CFH: variants seen among roughly 807,000 people sequenced by gnomAD.
CFH encodes complement factor H, also known as H factor 1 (complement).
CFH carries 53 observed loss-of-function variants against 147.3 expected under a neutral mutation model. The ratio of observed to expected loss-of-function variants is 0.36; its 90% confidence interval spans 0.29 to 0.45. The LOEUF (loss-of-function observed/expected upper bound fraction) is 0.45. CFH is among the 20% of genes least tolerant of loss of function. CFH has a pLI of 1.00. For missense variants in CFH, 1,380 were observed against 1,498.0 expected (o/e 0.92, Z 1.30); for synonymous variants, 536 against 489.4 (o/e 1.10, Z -1.26).
At chr1:196,664,612 G>T (rs949865312) in intron 1 of CFH, among the ~76,000 whole-genome samples, 1 of 152,104 alleles carries the variant, frequency 6.6e-6, no homozygotes, top group Non-Finnish European at 1.5e-5. Flanking sequence ...TGGCCCACAG[G>T]TTAGTTTTCT....
rs368636642 is a variant in CFH, at chr1:196,689,626, T to G, written c.1159+12T>G. The G allele has an allele frequency of 7.4e-6, 12 of 1,612,496 alleles. No homozygotes were observed. Among genetic ancestry groups the G allele is most frequent in the Non-Finnish European group, 8.5e-6 (10 of 1,178,882 alleles). On this transcript the variant is annotated intron_variant, in intron 8 of 21. Transcript: ENST00000367429. The stretch of plus-strand genomic sequence containing the variant: ...AGTACCATGCCTCAGTAAGTAAACC[T>G]CTGAACTGCTATATATATGTATAAA...
chr1:196,700,731 C>A, intron 9 of CFH: 3 of 593,044 alleles, frequency 5.1e-6, no homozygotes, highest in Non-Finnish European at 6.4e-6. Context: ...CAGTCCAGTG[C>A]CCCCATGCCA....
rs1240758321 is a variant in CFH, at chr1:196,685,343, C to A, written c.964+106C>A. 3 of 1,153,250 alleles carry A rather than the reference C, an allele frequency of 2.6e-6. No homozygotes were observed. The East Asian group carries it at 7.4e-5, about 28-fold the overall frequency. 71.4% of individuals were successfully genotyped at this position (1,153,250 alleles called of 1,614,324 possible). A position where few individuals can be genotyped will look rare whatever the true frequency, so the allele number is the denominator to read the frequency against. ...CCAAATATTTGTCTTATTGTATATA[C>A]AAAGTAAGGCTGTTGGAAGCATTCT... is the stretch of plus-strand genomic sequence containing the variant. On this transcript the variant is annotated intron_variant, in intron 7 of 21. Coordinates refer to ENST00000367429, the MANE Select transcript of CFH (RefSeq NM_000186.4).
At chr1:196,726,325 C>A in intron 12 of CFH, 145 bp from the exon 13 acceptor site, 1 of 661,716 alleles carries the variant, frequency 1.5e-6, no homozygotes, top group South Asian at 2.0e-5. Context: ...ACAATATGAA[C>A]ACCATTCTTG....
chr1:196,740,232 C>T (rs778744636), intron 17 of CFH, among the ~76,000 whole-genome samples: 7 of 152,162 alleles, frequency 4.6e-5, no homozygotes, highest in Non-Finnish European at 8.8e-5. Flanking sequence ...TGCTTTGCCA[C>T]TATGTTTTAA....
chr1:196,672,858 G>A, intron 1 of CFH, 120 bp from the exon 2 acceptor site: 5 of 732,238 alleles, frequency 6.8e-6, no homozygotes, highest in South Asian at 1.8e-5. Flanking sequence ...GAGAGAGAGA[G>A]AGAGAGAAAT....
At chr1:196,686,905 G>T (rs190078393) in intron 7 of CFH, among the ~76,000 whole-genome samples, 14 of 152,076 alleles carry the variant, frequency 9.2e-5, no homozygotes, top group Admixed American at 6.6e-4. Flanking sequence ...ATTATCAGAC[G>T]CATGACTTTA....
chr1:196,689,744 G>A (rs1667959670), intron 8 of CFH, 130 bp downstream of exon 8: 4 of 1,020,404 alleles, frequency 3.9e-6, no homozygotes, highest in Non-Finnish European at 5.9e-6. Flanking sequence ...TTCAAGCAAA[G>A]TGACCAAAAT....
intron 11 of CFH, among the ~76,000 whole-genome samples, chr1:196,721,665 G>T (rs1669001555): frequency 6.6e-6 from 1 of 151,876 alleles, no homozygotes; most frequent in Non-Finnish European, 1.5e-5. Flanking sequence ...TGTGGAGGTT[G>T]CTTGCCCTCA....
Position 196,689,027 on chromosome 1 carries a change from A to AAAAG in CFH, c.965-373_965-370dup, listed in dbSNP as rs36170795. Among the ~76,000 whole-genome samples the AAAAG allele has an allele frequency of 6.1e-4, 91 of 149,764 alleles. 1 individual carries two copies. Among genetic ancestry groups the AAAAG allele is most frequent in the Admixed American group, 9.3e-4 (14 of 15,120 alleles). On this transcript the variant is annotated intron_variant, in intron 7 of 21. Coordinates refer to ENST00000367429, the MANE Select transcript of CFH (RefSeq NM_000186.4). ...CTTGTTTACTGATGAGAATAGAAAAAAAAGAAAGAAAGAAAGAAAGAAATA... is the reference window on the plus strand; with the variant it reads ...CTTGTTTACTGATGAGAATAGAAAAAAAAGAAAGAAAGAAAGAAAGAAAGAAATA...
intron 9 of CFH, among the ~76,000 whole-genome samples, chr1:196,703,923 G>T (rs1668522590): frequency 7.8e-6 from 1 of 128,336 alleles, no homozygotes; most frequent in Non-Finnish European, 1.5e-5. Context: ...GGCAGAGCTT[G>T]CAAGTGAGCC....
intron 6 of CFH, among the ~76,000 whole-genome samples, chr1:196,684,297 G>A (rs561022571): frequency 6.6e-6 from 1 of 151,950 alleles, no homozygotes; most frequent in Non-Finnish European, 1.5e-5. Context: ...TTGCAGCAGA[G>A]ACATTTTATC....
chr1:196,727,002 T>A, intron 14 of CFH, 62 bp downstream of exon 14: 11 of 1,470,688 alleles, frequency 7.5e-6, no homozygotes, highest in South Asian at 1.1e-5. Context: ...GTAACAACAA[T>A]AATTGCAACT....
intron 17 of CFH, among the ~76,000 whole-genome samples, chr1:196,738,140 G>A (rs548467908): frequency 6.6e-6 from 1 of 152,248 alleles, no homozygotes; most frequent in East Asian, 1.9e-4. Flanking sequence ...GAGAACAGAA[G>A]CATGGGGATA....
chr1:196,674,021 C>G (rs979348702), intron 3 of CFH, 59 bp downstream of exon 3: 1 of 1,134,922 alleles, frequency 8.8e-7, no homozygotes, highest in Admixed American at 1.8e-5. Context: ...AACTCTACTA[C>G]TTTATATATT....
At chr1:196,659,467 G>A (rs1666831630) in intron 1 of CFH, among the ~76,000 whole-genome samples, 1 of 152,180 alleles carries the variant, frequency 6.6e-6, no homozygotes, top group Non-Finnish European at 1.5e-5. Flanking sequence ...TTTTGTTGAA[G>A]TGGCAGTGTA....
rs777094657 is a variant in CFH, at chr1:196,676,000, T to C, written c.362T>C (p.Leu121Pro). 3 of 1,609,758 alleles carry C rather than the reference T, an allele frequency of 1.9e-6. No homozygotes were observed. The South Asian group carries it at 3.3e-5, about 18-fold the overall frequency. The change falls in exon 4 of 22, where the codon CTA (leucine) becomes CCA (proline). Residue 121 changes from leucine (L) to proline (P), a missense_variant. Physicochemically the swap from Leu to Pro is moderately conservative, Grantham distance 98. Around this residue, in one of 4 missense-constraint regions of CFH, gnomAD observed 260 missense variants for 263.3 expected, o/e 0.99. Coordinates refer to ENST00000367429, the MANE Select transcript of CFH (RefSeq NM_000186.4). The part of the protein sequence containing the change: ...VYTCNEGYQL[L>P]GEINYRECDT... Reference sequence around the variant, plus strand: ...TTTTTGGTTTTCAGGTATCAATTGCTAGGTGAGATTAATTACCGTGAATGT... The same window carrying C: ...TTTTTGGTTTTCAGGTATCAATTGCCAGGTGAGATTAATTACCGTGAATGT...
intron 4 of CFH, among the ~76,000 whole-genome samples, chr1:196,676,731 A>C (rs1328149347): frequency 6.6e-6 from 1 of 152,148 alleles, no homozygotes; most frequent in African/African-American, 2.4e-5. Context: ...ATAATCATTC[A>C]AAAACTGTCA....
At chr1:196,693,089 A>G (rs974715624) in intron 9 of CFH, among the ~76,000 whole-genome samples, 1 of 151,950 alleles carries the variant, frequency 6.6e-6, no homozygotes, top group African/African-American at 2.4e-5. Context: ...AGATTGAGAT[A>G]TCAACGTTAT....
Sources: gnomAD v4.1 joint callset for allele counts (sites outside exome capture counted in the v4.1 genomes callset) on GRCh38, gnomAD v4.1.1 for gene constraint, gnomAD v4.1.1 regional missense constraint, MANE v1.5 for transcripts, NCBI Gene and HGNC (gene_info 2026-07-23, HGNC 2026-07-21) for gene names.